CPEB2: variants seen among roughly 807,000 people sequenced by gnomAD.
CPEB2 encodes cytoplasmic polyadenylation element binding protein 2.
A neutral mutation model predicts 93.6 loss-of-function variants in CPEB2; 56 were observed. The ratio of observed to expected loss-of-function variants is 0.60; its 90% CI spans 0.48 to 0.75. The LOEUF is 0.75. CPEB2 is among the 30% of genes least tolerant of loss of function. CPEB2 has a pLI of 0.00. For synonymous variants in CPEB2, 764 were observed against 586.3 expected (o/e 1.30, Z -4.38); for missense variants, 1,579 against 1,395.1 (o/e 1.13, Z -2.10).
chr4:15,017,360 C>T (rs1724289071), intron 4 of CPEB2, 82 bp downstream of exon 4: 1 of 641,482 alleles, frequency 1.6e-6, no homozygotes, highest in African/African-American at 1.9e-5. Context: ...AAAGTGAAAC[C>T]TAAGTAGCAC....
chr4:15,003,821 G>T lies in CPEB2; in HGVS notation c.1148G>T (p.Trp383Leu). ...CCGCTGCCCGGCTTCGGCACCCCCTGGTCGGTGCAGACCGCGTCGCCGCCA... is the reference window on the plus strand; with the variant it reads ...CCGCTGCCCGGCTTCGGCACCCCCTTGTCGGTGCAGACCGCGTCGCCGCCA... ...PPPLPGFGTP[W>L]SVQTASPPPQ... Residue 383 changes from tryptophan to leucine, a missense_variant, in exon 1 of 12, where the codon TGG becomes TTG. By Grantham distance (61) the Trp-to-Leu change is moderately conservative (BLOSUM62 -2). Coordinates refer to ENST00000538197, the MANE Select transcript of CPEB2 (RefSeq NM_001177382.2). 1.0e-6 allele frequency: 1 copy of T among 959,206 alleles called. No individual in the cohort carries two copies. The allele number at this position is 959,206 out of a possible 1,614,324, so 59.4% of individuals were successfully genotyped here. A position where few individuals can be genotyped will look rare whatever the true frequency, so the allele number is the denominator to read the frequency against.
At chr4:15,038,585 C>CTTTTTTTTT (rs369548599) in intron 5 of CPEB2, among the ~76,000 whole-genome samples, 1 of 137,232 alleles carries the variant, frequency 7.3e-6, no homozygotes, top group Non-Finnish European at 1.6e-5. Flanking sequence ...GTAGTCTATT[C>CTTTTTTTTT]TTTTTTTTTT....
Position 15,066,046 on chromosome 4 carries a change from A to G in CPEB2, c.2878-107A>G, listed in dbSNP as rs1729678790. The G allele has an allele frequency of 7.6e-6, 7 of 918,584 alleles. No homozygotes were observed. In the South Asian group the frequency reaches 1.2e-4, roughly 15 times the overall value. 56.9% of individuals were successfully genotyped at this position (918,584 alleles called of 1,614,324 possible). On this transcript the variant is annotated intron_variant, in intron 11 of 11. Transcript: ENST00000538197. ...TCCTTGAGAAACTGCCCATTTCCTC[A>G]GCTTTTAATGCTGGTCCTTTTTTTC...
chr4:15,034,775 C>T (rs1726445660), intron 5 of CPEB2, among the ~76,000 whole-genome samples: 1 of 151,934 alleles, frequency 6.6e-6, no homozygotes, highest in South Asian at 2.1e-4. Context: ...ACAACATAAT[C>T]GGGAATATTT....
chr4:15,018,972 ACACG>A (rs1351423965), intron 4 of CPEB2, among the ~76,000 whole-genome samples: 11 of 145,686 alleles, frequency 7.6e-5, no homozygotes, highest in African/African-American at 2.8e-4. Flanking sequence ...ATATATATAC[ACACG>A]CACACACACA....
In CPEB2 at chr4:15,027,772, A is replaced by G. The variant is rs555210826; in HGVS notation, c.2126-5389A>G. On this transcript the variant is annotated intron_variant, in intron 4 of 11. Transcript: ENST00000538197. ...ACACATACAGTATATAACATACCAT[A>G]CATATCATTTATTGAACAGTTGATA... Among the ~76,000 whole-genome samples the G allele has an allele frequency of 7.9e-5, 12 of 152,194 alleles. No homozygotes were observed. In the East Asian group the frequency reaches 2.3e-3, roughly 29 times the overall value.
chr4:15,029,801 A>G (rs1371902486), intron 4 of CPEB2, among the ~76,000 whole-genome samples: 1 of 152,052 alleles, frequency 6.6e-6, no homozygotes, highest in Non-Finnish European at 1.5e-5. Context: ...TTTTTGCCTT[A>G]TGGTCTAATA....
intron 6 of CPEB2, among the ~76,000 whole-genome samples, chr4:15,043,589 C>A (rs560496455): frequency 6.6e-6 from 1 of 151,906 alleles, no homozygotes; most frequent in African/African-American, 2.4e-5. Flanking sequence ...TGAAGGGAGG[C>A]GTGAAGTGTA....
chr4:15,010,546 T>G (rs1021971463), intron 3 of CPEB2: 2 of 152,192 alleles, frequency 1.3e-5, no homozygotes, highest in Admixed American at 6.5e-5. Flanking sequence ...GTATTTGAAG[T>G]TGAGCCTCTT....
intron 4 of CPEB2, among the ~76,000 whole-genome samples, chr4:15,028,554 AAAG>A (rs1725727244): frequency 6.6e-6 from 1 of 152,112 alleles, no homozygotes; most frequent in African/African-American, 2.4e-5. Flanking sequence ...CTTCTGTTTT[AAAG>A]AAGTATAGAG....
Position 15,040,496 on chromosome 4 carries a change from T to C in CPEB2, c.2200+9T>C. ...TTATGGGCGAAGACGAGGTAATTCA[T>C]TTCTGTTTGCTATGGTATAATTGTT... is the stretch of plus-strand genomic sequence containing the variant. On this transcript the variant is annotated intron_variant, in intron 6 of 11. Coordinates refer to ENST00000538197, the MANE Select transcript of CPEB2 (RefSeq NM_001177382.2). The C allele has an allele frequency of 6.5e-7, 1 of 1,535,750 alleles. No individual in the cohort carries two copies.
intron 10 of CPEB2, among the ~76,000 whole-genome samples, chr4:15,060,779 A>T (rs539906591): frequency 1.3e-5 from 2 of 152,128 alleles, no homozygotes; most frequent in Non-Finnish European, 2.9e-5. Flanking sequence ...CACTCTTTAT[A>T]CTGTTTTAAA....
At chr4:15,064,858 T>C (rs1236631118) in intron 11 of CPEB2, among the ~76,000 whole-genome samples, 1 of 152,048 alleles carries the variant, frequency 6.6e-6, no homozygotes, top group Non-Finnish European at 1.5e-5. Flanking sequence ...CATAACAATT[T>C]TAAAAATTTG....
At chr4:15,030,750 A>G (rs1020558291) in intron 4 of CPEB2, among the ~76,000 whole-genome samples, 4 of 152,144 alleles carry the variant, frequency 2.6e-5, no homozygotes, top group Middle Eastern at 3.2e-3. Flanking sequence ...TGTAGTATTT[A>G]TAATATGTAT....
chr4:15,062,374 A>G (rs1475371734), intron 11 of CPEB2, 114 bp downstream of exon 11: 2 of 649,056 alleles, frequency 3.1e-6, no homozygotes, highest in East Asian at 2.8e-5. Context: ...ATACTTCTGT[A>G]AGTCTTAAAG....
At chr4:15,052,001 T>C (rs1025542649) in intron 6 of CPEB2, among the ~76,000 whole-genome samples, 1 of 152,240 alleles carries the variant, frequency 6.6e-6, no homozygotes, top group Non-Finnish European at 1.5e-5. Context: ...TACTGTAGTC[T>C]ACAAGTGATT....
In CPEB2 at chr4:15,066,402, T is replaced by G. The variant is rs1729710889; in HGVS notation, c.*22T>G. 2 of 1,540,810 alleles carry G rather than the reference T, an allele frequency of 1.3e-6. No homozygotes were observed. Among genetic ancestry groups the G allele is most frequent in the Admixed American group, 3.8e-5 (2 of 52,288 alleles). On this transcript the variant is annotated 3_prime_UTR_variant, in exon 12 of 12. Transcript: ENST00000538197. Reference sequence around the variant, plus strand: ...CTAAGAATAGCAAACTGGCCTCTGTTTAACAAGGAAAGAAAGGGTGCATGT... The same window carrying G: ...CTAAGAATAGCAAACTGGCCTCTGTGTAACAAGGAAAGAAAGGGTGCATGT...
chr4:15,024,248 C>T (rs1725171813), intron 4 of CPEB2, among the ~76,000 whole-genome samples: 1 of 151,950 alleles, frequency 6.6e-6, no homozygotes, highest in Admixed American at 6.6e-5. Flanking sequence ...ATGTCCTAAT[C>T]CCCATGTCCT....
chr4:15,019,202 A>G (rs1040950641), intron 4 of CPEB2, among the ~76,000 whole-genome samples: 1 of 151,700 alleles, frequency 6.6e-6, no homozygotes, highest in Non-Finnish European at 1.5e-5. Context: ...AAAGAAAAAA[A>G]TCGAGAAACT....
Sources: gnomAD v4.1 joint callset for allele counts (sites outside exome capture counted in the v4.1 genomes callset) on GRCh38, gnomAD v4.1.1 for gene constraint, MANE v1.5 for transcripts, NCBI Gene and HGNC (gene_info 2026-07-23, HGNC 2026-07-21) for gene names.